Variants in MARK4 observed in about 807,000 individuals in gnomAD.
MARK4 encodes the protein microtubule affinity regulating kinase 4, also known as MAP/microtubule affinity-regulating kinase 4.
MARK4 carries 19 observed loss-of-function variants against 81.5 expected under a neutral mutation model. The observed-to-expected ratio is 0.23, with a 90% CI of 0.16 to 0.34. MARK4 has a LOEUF of 0.34. MARK4 is among the 10% of genes least tolerant of loss of function. The pLI is 1.00. For missense variants in MARK4, 772 were observed against 1,058.8 expected (o/e 0.73, Z 3.76); for synonymous variants, 436 against 439.0 (o/e 0.99, Z 0.08).
chr19:45,297,278 T>C (rs1441538382), intron 14 of MARK4, among the ~76,000 whole-genome samples: 1 of 152,160 alleles, frequency 6.6e-6, no homozygotes, highest in East Asian at 1.9e-4. Context: ...ATCCCTTTCC[T>C]GATTTTAGAT....
At chr19:45,278,728 C>A in intron 10 of MARK4, 113 bp downstream of exon 10, 1 of 801,586 alleles carries the variant, frequency 1.2e-6, no homozygotes, top group Non-Finnish European at 2.0e-6. Context: ...CTCAGCCTCC[C>A]AAGTAGCTGG....
chr19:45,287,095 T>G (rs150955471), intron 12 of MARK4, among the ~76,000 whole-genome samples: 1,540 of 151,876 alleles, frequency 0.01, 23 homozygotes, highest in African/African-American at 0.036. Flanking sequence ...TTCCAGCTAC[T>G]TGGGAGGCTG....
intron 12 of MARK4, among the ~76,000 whole-genome samples, chr19:45,284,690 C>T (rs1352639322): frequency 6.6e-6 from 1 of 152,084 alleles, no homozygotes; most frequent in African/African-American, 2.4e-5. Flanking sequence ...CAGTGGCTTA[C>T]GCCTGTAATC....
At chr19:45,277,232 C>T (rs917262719) in intron 8 of MARK4, among the ~76,000 whole-genome samples, 21 of 151,776 alleles carry the variant, frequency 1.4e-4, no homozygotes, top group Non-Finnish European at 2.6e-4. Context: ...CAGCCACCAC[C>T]ACACCCAGCT....
intron 1 of MARK4, among the ~76,000 whole-genome samples, chr19:45,256,960 CT>C (rs139939647): frequency 0.075 from 10,998 of 147,514 alleles, 443 homozygotes; most frequent in Middle Eastern, 0.12. Flanking sequence ...TGTTTTTCCT[CT>C]TTTTTTTTTA....
intron 16 of MARK4, among the ~76,000 whole-genome samples, chr19:45,300,319 G>A (rs1231048968): frequency 8.5e-6 from 1 of 118,000 alleles, no homozygotes; most frequent in Non-Finnish European, 1.6e-5. Flanking sequence ...ACTCCAGCCT[G>A]GGTAGCAAGA....
At chr19:45,296,343 C>T (rs1007263083) in intron 14 of MARK4, among the ~76,000 whole-genome samples, 2 of 152,170 alleles carry the variant, frequency 1.3e-5, no homozygotes, top group African/African-American at 4.8e-5. Flanking sequence ...ACGTTTAGTC[C>T]GGAGGGTCCT....
chr19:45,275,428 C>T (rs1481357731), intron 8 of MARK4, among the ~76,000 whole-genome samples: 6 of 151,638 alleles, frequency 4.0e-5, no homozygotes, highest in Non-Finnish European at 5.9e-5. Flanking sequence ...CAGGCTACAG[C>T]GAACTATGAT....
rs879005141 is a variant in MARK4 at position 45,297,963 on chromosome 19, C to T, written c.1877+9C>T. On this transcript the variant is annotated intron_variant, in intron 15 of 16. Transcript: ENST00000262891. ...TCCAAACTGACCCGAAGGTGAGCTCCGCGGGGATGGCAGGGGCAGGGCGGG... is the reference window on the plus strand; with the variant it reads ...TCCAAACTGACCCGAAGGTGAGCTCTGCGGGGATGGCAGGGGCAGGGCGGG... The T allele has an allele frequency of 9.5e-6, 14 of 1,468,688 alleles. 1 individual carries two copies. The highest frequency in any genetic ancestry group is 8.3e-5 in the Admixed American group (4 of 48,258). 91.0% of individuals were successfully genotyped at this position (1,468,688 alleles called of 1,614,324 possible). A position where few individuals can be genotyped will look rare whatever the true frequency, so the allele number is the denominator to read the frequency against.
intron 1 of MARK4, among the ~76,000 whole-genome samples, chr19:45,256,847 C>T (rs1325790350): frequency 6.6e-6 from 1 of 152,212 alleles, no homozygotes; most frequent in Non-Finnish European, 1.5e-5. Flanking sequence ...TTCCAACAGC[C>T]TGTGCACAAT....
chr19:45,298,331 G>A (rs547321744), intron 15 of MARK4: 20 of 433,198 alleles, frequency 4.6e-5, no homozygotes, highest in African/African-American at 1.0e-4. Flanking sequence ...GGGTCTGTGC[G>A]TGGGGTCTGG....
In MARK4 at chr19:45,251,486, G is replaced by T; in HGVS notation, c.-103G>T. The T allele has an allele frequency of 3.1e-6, 2 of 638,262 alleles. No homozygotes were observed. Among genetic ancestry groups the T allele is most frequent in the African/African-American group, 2.0e-5 (1 of 49,676 alleles). 39.5% of individuals were successfully genotyped at this position (638,262 alleles called of 1,614,324 possible). ...CGGGCGTTCTCGGCGCCCAGCTTTT[G>T]AGCTCGCGTCCCCAGGCCGGCGGGG... On this transcript the variant is annotated 5_prime_UTR_variant, in exon 1 of 17. Transcript: ENST00000262891.
At chr19:45,270,531 C>G (rs565214792) in intron 7 of MARK4, among the ~76,000 whole-genome samples, 2 of 152,180 alleles carry the variant, frequency 1.3e-5, no homozygotes, top group South Asian at 4.1e-4. Flanking sequence ...CCTGAAGACC[C>G]CTAGATCTGC....
intron 16 of MARK4, among the ~76,000 whole-genome samples, chr19:45,301,498 A>G (rs1191529037): frequency 7.3e-6 from 1 of 136,726 alleles, no homozygotes; most frequent in Non-Finnish European, 1.5e-5. Flanking sequence ...CAGAGGTTGC[A>G]GTGGGCCAAG....
At chr19:45,272,012 A>G (rs1039815128) in intron 8 of MARK4, among the ~76,000 whole-genome samples, 4 of 152,110 alleles carry the variant, frequency 2.6e-5, no homozygotes, top group African/African-American at 7.2e-5. Context: ...TGGGCTTTGC[A>G]TGTAAGGCGA....
At chr19:45,276,835 A>G (rs1160403576) in intron 8 of MARK4, among the ~76,000 whole-genome samples, 1 of 150,536 alleles carries the variant, frequency 6.6e-6, no homozygotes, top group South Asian at 2.1e-4. Flanking sequence ...GGGTTTCGCC[A>G]TGTTGGCCTG....
intron 1 of MARK4, among the ~76,000 whole-genome samples, chr19:45,255,643 A>G (rs1246287638): frequency 6.6e-6 from 1 of 152,100 alleles, no homozygotes; most frequent in East Asian, 1.9e-4. Flanking sequence ...CCCCACCTGT[A>G]AAATGGAGAT....
intron 16 of MARK4, 68 bp downstream of exon 16, chr19:45,299,923 C>T: frequency 2.0e-6 from 3 of 1,490,362 alleles, no homozygotes; most frequent in East Asian, 4.9e-5. Flanking sequence ...CGACACTTAC[C>T]CCAGGGCATT....
rs1260704950 is a variant in MARK4 at position 45,303,700 on chromosome 19, G to A, written c.*990G>A. The stretch of plus-strand genomic sequence containing the variant: ...TTGACCCATGCCTACTCCATGCCAG[G>A]CCCAGTGCTGGACACAGAGACATGA... On this transcript the variant is annotated 3_prime_UTR_variant, in exon 17 of 17. Coordinates refer to ENST00000262891, the MANE Select transcript of MARK4 (RefSeq NM_001199867.2). 1 of 152,176 alleles carries A rather than the reference G, an allele frequency of 6.6e-6. No individual in the cohort carries two copies. The highest frequency in any genetic ancestry group is 1.5e-5 in the Non-Finnish European group (1 of 68,060). The allele number at this position is 152,176 out of a possible 1,614,324, so 9.4% of individuals were successfully genotyped here.
Sources: allele counts gnomAD v4.1 joint callset (sites outside exome capture counted in the v4.1 genomes callset), GRCh38; gene constraint gnomAD v4.1.1; transcripts MANE v1.5; gene names NCBI Gene and HGNC (gene_info 2026-07-23, HGNC 2026-07-21).